LAMA2: variants seen among roughly 807,000 people sequenced by gnomAD.
The protein encoded by LAMA2 is laminin subunit alpha-2.
Under a neutral mutation model 364.8 loss-of-function variants are expected in LAMA2, and 269 were observed. That is an observed-to-expected ratio of 0.74 (90% CI 0.67 to 0.82). The LOEUF is 0.82. LAMA2 is among the 40% of genes least tolerant of loss of function. The probability of loss-of-function intolerance (pLI) is 0.00; values close to 1 mark genes in which losing one functional copy is unlikely to be tolerated. For synonymous variants in LAMA2, 1,379 were observed against 1,370.6 expected (o/e 1.01, Z -0.14); for missense variants, 3,807 against 3,873.2 (o/e 0.98, Z 0.45).
At chr6:129,452,932 C>T (rs564161190) in intron 45 of LAMA2, 56 bp from the exon 46 acceptor site, 11 of 1,532,238 alleles carry the variant, frequency 7.2e-6, no homozygotes, top group Non-Finnish European at 9.9e-6. Flanking sequence ...ATGGAAGCTA[C>T]TTCAAACTTT....
intron 1 of LAMA2, among the ~76,000 whole-genome samples, chr6:128,920,255 T>A (rs928420767): frequency 9.9e-5 from 15 of 152,014 alleles, no homozygotes; most frequent in Non-Finnish European, 2.1e-4. Flanking sequence ...CCTCCCGGGT[T>A]CAAGCGATTC....
At position 129,177,809 on chromosome 6, in the gene LAMA2, C is replaced by T. The variant is rs1583196312; in HGVS notation, c.1410C>T (p.Asn470=). 6.2e-7 allele frequency: 1 copy of T among 1,613,974 alleles called. No individual in the cohort carries two copies. The highest frequency in any genetic ancestry group is 1.1e-5 in the South Asian group (1 of 91,082). Residue 470 remains asparagine, a synonymous_variant, in exon 10 of 65, where the codon AAC becomes AAT. Coordinates refer to ENST00000421865, the MANE Select transcript of LAMA2 (RefSeq NM_000426.4). The part of the protein sequence containing the change: ...YTGYPDCKAC[N]CSGLGSKNED... The stretch of plus-strand genomic sequence containing the variant: ...GCTACCCGGACTGCAAAGCCTGTAA[C>T]TGCAGTGGGTTAGGGAGCAAAAATG...
intron 4 of LAMA2, among the ~76,000 whole-genome samples, chr6:129,138,136 C>G (rs1218663684): frequency 6.6e-6 from 1 of 151,772 alleles, no homozygotes; most frequent in African/African-American, 2.4e-5. Context: ...ATTCAGTGAC[C>G]ATCTAGTAGA....
At chr6:128,933,849 C>T (rs1216889149) in intron 1 of LAMA2, among the ~76,000 whole-genome samples, 1 of 152,158 alleles carries the variant, frequency 6.6e-6, no homozygotes, top group African/African-American at 2.4e-5. Flanking sequence ...AACTCCTGAT[C>T]ATATATATGG....
At position 129,149,059 on chromosome 6, in the gene LAMA2, G is replaced by T; in HGVS notation, c.990G>T (p.Trp330Cys). ...QCCPGFHQKP[W>C]RAGTFLTKTE... ...GTCCAGGATTCCATCAGAAACCCTG[G>T]AGAGCTGGAACTTTTCTAACTAAAA... The change falls in exon 7 of 65, where the codon TGG becomes TGT. Residue 330 changes from tryptophan to cysteine, a missense_variant. This residue lies in a region of LAMA2 where 80 missense variants were observed against 124.0 expected (regional missense o/e 0.65). Transcript: ENST00000421865. 1.2e-6 allele frequency: 2 copies of T among 1,612,728 alleles called. No individual in the cohort carries two copies. The highest frequency in any genetic ancestry group is 2.2e-5 in the East Asian group (1 of 44,858).
At chr6:129,041,023 T>A (rs1787052166) in intron 1 of LAMA2, among the ~76,000 whole-genome samples, 2 of 152,214 alleles carry the variant, frequency 1.3e-5, no homozygotes, top group African/African-American at 4.8e-5. Flanking sequence ...TTTCACTCAT[T>A]TGGAATTATG....
intron 2 of LAMA2, 45 bp from the exon 3 acceptor site, chr6:129,059,739 A>G (rs759897743): frequency 5.0e-6 from 6 of 1,191,172 alleles, no homozygotes; most frequent in Non-Finnish European, 7.5e-6. Context: ...AACTAGTTAT[A>G]TGATCTTTTC....
chr6:129,370,023 C>A, intron 34 of LAMA2, 33 bp downstream of exon 34: 1 of 1,536,028 alleles, frequency 6.5e-7, no homozygotes, highest in Non-Finnish European at 9.0e-7. Context: ...CTTCTGAAAG[C>A]AGATAGATTA....
At chr6:129,476,290 A>G (rs140980501) in intron 53 of LAMA2, among the ~76,000 whole-genome samples, 166 of 152,344 alleles carry the variant, frequency 1.1e-3, no homozygotes, top group African/African-American at 3.8e-3. Context: ...GAAATAGAAT[A>G]TACAGAAATG....
intron 11 of LAMA2, 73 bp from the exon 12 acceptor site, chr6:129,192,607 C>A: frequency 6.9e-7 from 1 of 1,439,228 alleles, no homozygotes; most frequent in Non-Finnish European, 9.7e-7. Context: ...TGGACACGAC[C>A]AGGAACATGA....
intron 23 of LAMA2, among the ~76,000 whole-genome samples, 174 bp downstream of exon 23, chr6:129,313,271 G>A (rs944081764): frequency 6.6e-6 from 1 of 152,146 alleles, no homozygotes; most frequent in African/African-American, 2.4e-5. Flanking sequence ...TTGGCATACC[G>A]ATAAACACTG....
Position 129,295,264 on chromosome 6 carries a change from G to A in LAMA2, c.2857-2421G>A, listed in dbSNP as rs1051418716. Among the ~76,000 whole-genome samples the A allele has an allele frequency of 1.0e-4, 14 of 135,256 alleles. 1 individual carries two copies. The South Asian group carries it at 2.1e-3, about 21-fold the overall frequency. 88.7% of individuals were successfully genotyped at this position (135,256 alleles called of 152,430 possible). A position where few individuals can be genotyped will look rare whatever the true frequency, so the allele number is the denominator to read the frequency against. On this transcript the variant is annotated intron_variant, in intron 20 of 64. Coordinates refer to ENST00000421865, the MANE Select transcript of LAMA2 (RefSeq NM_000426.4). ...GAGTAAATGAGTACATATTTGTAAA[G>A]AGTTTAGATTTGTAAAGGGTTTAGA...
At chr6:129,353,476 C>T in intron 32 of LAMA2, 119 bp downstream of exon 32, 1 of 767,934 alleles carries the variant, frequency 1.3e-6, no homozygotes, top group South Asian at 1.5e-5. Flanking sequence ...AATAGTTATA[C>T]TCTTCATTCT....
chr6:129,430,882 A>T (rs1429091906), intron 41 of LAMA2, among the ~76,000 whole-genome samples: 1 of 151,888 alleles, frequency 6.6e-6, no homozygotes, highest in African/African-American at 2.4e-5. Flanking sequence ...ATTTAAAATA[A>T]TTTTTTTCAG....
At chr6:129,155,117 G>A (rs1192543583) in intron 8 of LAMA2, among the ~76,000 whole-genome samples, 3 of 152,040 alleles carry the variant, frequency 2.0e-5, no homozygotes, top group Admixed American at 6.5e-5. Context: ...TTCTCTGCAC[G>A]AACATATCAA....
intron 3 of LAMA2, among the ~76,000 whole-genome samples, chr6:129,062,269 T>C (rs1562203163): frequency 6.6e-6 from 1 of 152,202 alleles, no homozygotes; most frequent in Non-Finnish European, 1.5e-5. Context: ...TATTGCATAG[T>C]TGAAGAACAC....
At chr6:129,196,842 A>T (rs1173845923) in intron 12 of LAMA2, among the ~76,000 whole-genome samples, 1 of 152,236 alleles carries the variant, frequency 6.6e-6, no homozygotes, top group African/African-American at 2.4e-5. Flanking sequence ...TTTGCTGCCT[A>T]GAATAAACTG....
intron 10 of LAMA2, among the ~76,000 whole-genome samples, chr6:129,188,968 T>TAG (rs1781381581): frequency 6.6e-6 from 1 of 152,060 alleles, no homozygotes; most frequent in South Asian, 2.1e-4. Flanking sequence ...ACTATGCGTA[T>TAG]AGCACTTTGC....
At chr6:128,925,677 A>G (rs1412160741) in intron 1 of LAMA2, among the ~76,000 whole-genome samples, 1 of 152,224 alleles carries the variant, frequency 6.6e-6, no homozygotes, top group Non-Finnish European at 1.5e-5. Context: ...TGTGTATTTT[A>G]CAATACTTTA....
Sources: gnomAD v4.1 joint callset for allele counts (sites outside exome capture counted in the v4.1 genomes callset) on GRCh38, gnomAD v4.1.1 for gene constraint, gnomAD v4.1.1 regional missense constraint, MANE v1.5 for transcripts, NCBI Gene and HGNC (gene_info 2026-07-23, HGNC 2026-07-21) for gene names.